The following AGBL1 variants were observed in gnomAD, a reference collection of about 807,000 sequenced individuals.
AGBL1 encodes cytosolic carboxypeptidase 4.
AGBL1 carries 130 observed loss-of-function variants against 118.9 expected under a neutral mutation model. The observed-to-expected ratio is 1.09, with a 90% CI of 0.95 to 1.26. AGBL1 has a LOEUF of 1.26. Among genes scored for constraint, AGBL1 ranks in the 50% most tolerant of loss-of-function variants. The pLI, the probability that AGBL1 is intolerant of heterozygous loss-of-function variation, is 0.00. For synonymous variants in AGBL1, 555 were observed against 478.9 expected (o/e 1.16, Z -2.08); for missense variants, 1,584 against 1,298.1 (o/e 1.22, Z -3.38).
intron 21 of AGBL1, among the ~76,000 whole-genome samples, chr15:86,589,964 A>G (rs2084309649): frequency 6.6e-6 from 1 of 152,136 alleles, no homozygotes; most frequent in Non-Finnish European, 1.5e-5. Flanking sequence ...TGTAGGGGCA[A>G]AGGGAAAACT....
intron 1 of AGBL1, among the ~76,000 whole-genome samples, chr15:86,107,876 C>A (rs1897142915): frequency 6.6e-6 from 1 of 152,134 alleles, no homozygotes; most frequent in South Asian, 2.1e-4. Flanking sequence ...CCTGGTGCAT[C>A]CATATGGGTT....
rs36127489 is a variant in AGBL1, at chr15:86,410,807, GATATATATAT to G, written c.2555+13287_2555+13296del. ...AGAGGAAGAGACAAGGTCAAATGTAGATATATATATATATATATATATATATATATATATA... is the reference window on the plus strand; with the variant it reads ...AGAGGAAGAGACAAGGTCAAATGTAGATATATATATATATATATATATATA... On this transcript the variant is annotated intron_variant, in intron 18 of 22. Coordinates refer to ENST00000614907, the MANE Select transcript of AGBL1 (RefSeq NM_001386094.1). 1.0e-3 allele frequency among the ~76,000 whole-genome samples: 42 copies of G among 40,362 alleles called. 4 individuals are homozygous for G. In the South Asian group the frequency reaches 0.016, roughly 15 times the overall value. 26.5% of individuals were successfully genotyped at this position (40,362 alleles called of 152,430 possible).
intron 5 of AGBL1, among the ~76,000 whole-genome samples, chr15:86,166,378 A>G (rs2077342085): frequency 6.6e-6 from 1 of 152,178 alleles, no homozygotes; most frequent in Admixed American, 6.6e-5. Flanking sequence ...CCAGCTCCCT[A>G]TCCTGTGGAA....
intron 20 of AGBL1, among the ~76,000 whole-genome samples, chr15:86,553,418 T>A (rs890909165): frequency 1.3e-5 from 2 of 152,106 alleles, no homozygotes; most frequent in Non-Finnish European, 2.9e-5. Flanking sequence ...ATAAAATATT[T>A]TTACCCCAAG....
chr15:86,459,116 C>A (rs983085649), intron 18 of AGBL1, among the ~76,000 whole-genome samples: 2 of 152,098 alleles, frequency 1.3e-5, no homozygotes, highest in Non-Finnish European at 2.9e-5. Context: ...TATATTCACA[C>A]GTGTTGACAT....
At chr15:86,484,954 T>C (rs2082695698) in intron 18 of AGBL1, among the ~76,000 whole-genome samples, 1 of 152,160 alleles carries the variant, frequency 6.6e-6, no homozygotes, top group Non-Finnish European at 1.5e-5. Flanking sequence ...TACTTCACTG[T>C]ATTTAAGAGT....
At chr15:86,288,468 A>G (rs1264461856) in intron 16 of AGBL1, among the ~76,000 whole-genome samples, 1 of 152,024 alleles carries the variant, frequency 6.6e-6, no homozygotes, top group Non-Finnish European at 1.5e-5. Flanking sequence ...TTTTCCAGTA[A>G]GCTTCTTTTA....
intron 21 of AGBL1, among the ~76,000 whole-genome samples, chr15:86,670,006 T>C (rs1242661205): frequency 6.6e-6 from 1 of 152,204 alleles, no homozygotes. Flanking sequence ...TTTAATAGCT[T>C]CCTTATATTA....
Position 86,503,250 on chromosome 15 carries a change from A to G in AGBL1, c.2556-19560A>G, listed in dbSNP as rs535684443. Among the ~76,000 whole-genome samples the G allele has an allele frequency of 4.6e-5, 7 of 151,484 alleles. No individual in the cohort carries two copies. In the East Asian group the frequency reaches 1.4e-3, roughly 29 times the overall value. On this transcript the variant is annotated intron_variant, in intron 18 of 22. Coordinates refer to ENST00000614907, the MANE Select transcript of AGBL1 (RefSeq NM_001386094.1). ...TTGTTGGCATGAAATTATTCGTAGT[A>G]TTTCTTTACAGCCTCAGTAAGGTCA...
chr15:86,861,181 A>G (rs184113960), intron 22 of AGBL1, among the ~76,000 whole-genome samples: 32 of 152,172 alleles, frequency 2.1e-4, no homozygotes, highest in African/African-American at 7.2e-4. Context: ...GAAGGTATCT[A>G]TTTTCTCTTC....
chr15:86,425,108 C>T (rs1454836991), intron 18 of AGBL1, among the ~76,000 whole-genome samples: 1 of 152,176 alleles, frequency 6.6e-6, no homozygotes, highest in Non-Finnish European at 1.5e-5. Flanking sequence ...TACTGCAGCA[C>T]TATTCACAAT....
At chr15:86,896,551 T>C (rs1448007822) in intron 22 of AGBL1, among the ~76,000 whole-genome samples, 2 of 152,296 alleles carry the variant, frequency 1.3e-5, no homozygotes, top group South Asian at 2.1e-4. Context: ...GTCAACATTT[T>C]CCCCCTTCTG....
chr15:86,138,087 G>A (rs1026835406), intron 1 of AGBL1, among the ~76,000 whole-genome samples: 1 of 152,074 alleles, frequency 6.6e-6, no homozygotes. Flanking sequence ...CAGCTCGTGA[G>A]GTGGGAATAG....
chr15:86,875,725 G>A (rs1488775473), intron 22 of AGBL1, among the ~76,000 whole-genome samples: 2 of 152,194 alleles, frequency 1.3e-5, no homozygotes, highest in East Asian at 1.9e-4. Context: ...GATTACAAAG[G>A]GGCTCCTATT....
At chr15:86,979,489 C>CTT (rs60598448) in intron 23 of AGBL1, among the ~76,000 whole-genome samples, 25,530 of 150,720 alleles carry the variant, frequency 0.17, 2,174 homozygotes, top group Non-Finnish European at 0.18. Flanking sequence ...TTTTTTCTTT[C>CTT]TTTTTTTTGG....
chr15:86,446,597 A>G (rs914544286), intron 18 of AGBL1, among the ~76,000 whole-genome samples: 2 of 152,042 alleles, frequency 1.3e-5, no homozygotes, highest in African/African-American at 2.4e-5. Flanking sequence ...TTTATATCGA[A>G]TCTCTCTTTG....
At chr15:86,314,091 C>T (rs190744598) in intron 17 of AGBL1, among the ~76,000 whole-genome samples, 20 of 152,290 alleles carry the variant, frequency 1.3e-4, no homozygotes, top group African/African-American at 4.8e-4. Context: ...AGGTATCATT[C>T]CTGCTCTCCC....
chr15:86,958,045 AAAAAT>A (rs963965847), intron 23 of AGBL1, among the ~76,000 whole-genome samples: 18 of 152,076 alleles, frequency 1.2e-4, no homozygotes, highest in Middle Eastern at 3.4e-3. Flanking sequence ...ACTTAAAAAT[AAAAAT>A]AAAAAATTAG....
At chr15:86,420,459 G>A (rs1455539376) in intron 18 of AGBL1, among the ~76,000 whole-genome samples, 2 of 152,282 alleles carry the variant, frequency 1.3e-5, no homozygotes, top group South Asian at 2.1e-4. Context: ...AACCCCATCT[G>A]AAGGTCACCA....
Sources: gnomAD v4.1 joint callset for allele counts (sites outside exome capture counted in the v4.1 genomes callset) on GRCh38, gnomAD v4.1.1 for gene constraint, MANE v1.5 for transcripts, NCBI Gene and HGNC (gene_info 2026-07-23, HGNC 2026-07-21) for gene names.